Variants in KSR2 observed in about 807,000 individuals in gnomAD.
KSR2 encodes the protein kinase suppressor of ras 2.
KSR2 carries 25 observed loss-of-function variants against 107.8 expected under a neutral mutation model. The observed-to-expected ratio is 0.23, with a 90% CI of 0.17 to 0.32. KSR2 has a LOEUF of 0.32. KSR2 is among the 10% of genes least tolerant of loss of function. The pLI is 1.00. For synonymous variants in KSR2, 480 were observed against 507.0 expected (o/e 0.95, Z 0.71); for missense variants, 887 against 1,268.9 (o/e 0.70, Z 4.57).
chr12:117,473,201 C>A (rs1440775831), intron 17 of KSR2, among the ~76,000 whole-genome samples: 1 of 152,222 alleles, frequency 6.6e-6, no homozygotes, highest in African/African-American at 2.4e-5. Context: ...GACCCTGGTG[C>A]TGCCCCCTGT....
chr12:117,531,750 G>C (rs755475886), intron 10 of KSR2, 43 bp from the exon 11 acceptor site: 16 of 1,524,066 alleles, frequency 1.0e-5, no homozygotes, highest in Non-Finnish European at 1.3e-5. Context: ...TCCCCAGGGA[G>C]ACATCGCTTC....
chr12:117,892,483 C>G (rs1042092644), intron 1 of KSR2, among the ~76,000 whole-genome samples: 6 of 151,134 alleles, frequency 4.0e-5, no homozygotes, highest in Admixed American at 4.0e-4. Context: ...TCTTCACAGG[C>G]CAATTTCAGA....
chr12:117,531,090 C>T, intron 11 of KSR2, 77 bp from the exon 12 acceptor site: 1 of 1,177,184 alleles, frequency 8.5e-7, no homozygotes. Context: ...TCCTGGGCGA[C>T]ATGGCAGCCA....
rs570867084 is a variant in KSR2 at position 117,631,516 on chromosome 12, T to C, written c.1171+35958A>G. 3.3e-5 allele frequency among the ~76,000 whole-genome samples: 5 copies of C among 152,376 alleles called. No homozygotes were observed. In the East Asian group the frequency reaches 9.6e-4, roughly 29 times the overall value. On this transcript the variant is annotated intron_variant, in intron 5 of 19. Coordinates refer to ENST00000339824, the MANE Select transcript of KSR2 (RefSeq NM_173598.6). ...TGTGATTATCATAAATCTAGGTCTT[T>C]TATTTCTCCATCAGAGAAACAATCT... is the stretch of plus-strand genomic sequence containing the variant.
At chr12:117,708,151 GTT>G (rs1336371403) in intron 4 of KSR2, among the ~76,000 whole-genome samples, 1 of 152,226 alleles carries the variant, frequency 6.6e-6, no homozygotes, top group African/African-American at 2.4e-5. Context: ...TGGTATGACA[GTT>G]TGGCAAAATA....
chr12:117,509,223 C>T (rs1873886636), intron 14 of KSR2, among the ~76,000 whole-genome samples: 1 of 152,154 alleles, frequency 6.6e-6, no homozygotes, highest in South Asian at 2.1e-4. Flanking sequence ...TGTCTAGAGT[C>T]ACACAGTGGT....
At chr12:117,673,485 G>A (rs1884996538) in intron 4 of KSR2, among the ~76,000 whole-genome samples, 1 of 152,132 alleles carries the variant, frequency 6.6e-6, no homozygotes, top group South Asian at 2.1e-4. Flanking sequence ...GAAAAGGGAA[G>A]AATGGTGGGA....
intron 14 of KSR2, among the ~76,000 whole-genome samples, chr12:117,504,002 A>G (rs548546894): frequency 2.0e-5 from 3 of 152,286 alleles, no homozygotes; most frequent in South Asian, 4.1e-4. Flanking sequence ...TTGTACATAA[A>G]TGGGCAGCAC....
intron 5 of KSR2, among the ~76,000 whole-genome samples, chr12:117,638,623 T>A (rs1565938826): frequency 6.6e-6 from 1 of 151,554 alleles, no homozygotes. Context: ...ACATGTGAGG[T>A]TTCCCACAGG....
chr12:117,771,636 T>A (rs1367238662), intron 3 of KSR2, among the ~76,000 whole-genome samples: 1 of 152,192 alleles, frequency 6.6e-6, no homozygotes, highest in Non-Finnish European at 1.5e-5. Flanking sequence ...ATCTTCAGAA[T>A]AATTCAAGGG....
chr12:117,828,600 T>C (rs1891842766), intron 3 of KSR2, among the ~76,000 whole-genome samples: 2 of 152,230 alleles, frequency 1.3e-5, no homozygotes. Context: ...AAAGCAAATG[T>C]ACAAACCCCG....
intron 1 of KSR2, among the ~76,000 whole-genome samples, chr12:117,934,348 G>C (rs967983708): frequency 2.0e-5 from 3 of 152,064 alleles, no homozygotes; most frequent in Non-Finnish European, 4.4e-5. Context: ...CTGGTGAATA[G>C]GATACCCCAG....
chr12:117,685,919 G>A (rs780890884), intron 4 of KSR2, among the ~76,000 whole-genome samples: 68 of 152,292 alleles, frequency 4.5e-4, no homozygotes, highest in Non-Finnish European at 4.7e-4. Context: ...AAAGATTTGC[G>A]GAAGGTCCCT....
At chr12:117,946,563 C>T (rs1370719977) in intron 1 of KSR2, among the ~76,000 whole-genome samples, 1 of 151,956 alleles carries the variant, frequency 6.6e-6, no homozygotes, top group East Asian at 1.9e-4. Flanking sequence ...ATCCTAAAAA[C>T]ATTAAAGAAA....
chr12:117,612,457 A>G (rs1463523211), intron 5 of KSR2, among the ~76,000 whole-genome samples: 1 of 152,190 alleles, frequency 6.6e-6, no homozygotes, highest in Non-Finnish European at 1.5e-5. Context: ...TAATAAAAAA[A>G]ATTTAAATCA....
intron 5 of KSR2, among the ~76,000 whole-genome samples, chr12:117,591,523 G>A (rs1880316857): frequency 6.6e-6 from 1 of 152,122 alleles, no homozygotes; most frequent in Non-Finnish European, 1.5e-5. Context: ...AGTGTCTCCA[G>A]GTAGCAGCTG....
intron 1 of KSR2, chr12:117,891,142 G>A (rs1213142109): frequency 6.6e-6 from 1 of 152,208 alleles, no homozygotes; most frequent in Admixed American, 6.5e-5. Context: ...ATGGCTGGGT[G>A]CGGTGGCTCA....
chr12:117,533,753 G>A (rs1181024782), intron 10 of KSR2, among the ~76,000 whole-genome samples: 3 of 152,188 alleles, frequency 2.0e-5, no homozygotes, highest in Non-Finnish European at 4.4e-5. Flanking sequence ...TTCACTGACA[G>A]CTATGTTCTT....
At chr12:117,963,071 T>G (rs1896702015) in intron 1 of KSR2, among the ~76,000 whole-genome samples, 1 of 151,828 alleles carries the variant, frequency 6.6e-6, no homozygotes, top group South Asian at 2.1e-4. Flanking sequence ...AGGCTTGTAA[T>G]CCCAGCTACT....
Sources: allele counts gnomAD v4.1 joint callset (sites outside exome capture counted in the v4.1 genomes callset), GRCh38; gene constraint gnomAD v4.1.1; transcripts MANE v1.5; gene names NCBI Gene and HGNC (gene_info 2026-07-23, HGNC 2026-07-21).